The following BRWD3 variants were observed in gnomAD, a reference collection of about 807,000 sequenced individuals.
The protein encoded by BRWD3 is bromodomain and WD repeat domain containing 3, also known as bromodomain and WD repeat-containing protein 3.
In BRWD3, 10 loss-of-function variants were observed where a neutral mutation model predicts 149.7. The ratio of observed to expected loss-of-function variants is 0.07; its 90% CI spans 0.04 to 0.11. BRWD3 has a LOEUF of 0.11. BRWD3 is among the 10% of genes least tolerant of loss of function. BRWD3 has a pLI of 1.00. For synonymous variants in BRWD3, 504 were observed against 456.7 expected (o/e 1.10, Z -1.32); for missense variants, 940 against 1,373.2 (o/e 0.68, Z 4.99).
intron 6 of BRWD3, among the ~76,000 whole-genome samples, chrX:80,784,380 TA>T (rs1262645134): frequency 8.9e-6 from 1 of 112,117 alleles, no homozygotes; most frequent in Non-Finnish European, 1.9e-5. Context: ...AAATAAACAT[TA>T]AACACACTTT....
rs749411347 is a variant in BRWD3 at position 80,707,500 on chromosome X, C to A, written c.2479G>T (p.Asp827Tyr). Reference sequence around the variant, plus strand: ...GCGTCACTTGTGCCAACAGTTTCATCTTCCTACAACAAAGAGCCAGCAATT... The same window carrying A: ...GCGTCACTTGTGCCAACAGTTTCATATTCCTACAACAAAGAGCCAGCAATT... ...QEDSDSSSEE[D>Y]ETVGTSDASV... Residue 827 changes from aspartate (D) to tyrosine (Y), a missense_variant, in exon 22 of 41, where the codon GAT (aspartate) becomes TAT (tyrosine). Around this residue, in one of 6 missense-constraint regions of BRWD3, gnomAD observed 158 missense variants for 284.0 expected, o/e 0.56. Transcript: ENST00000373275. 8.3e-6 allele frequency: 10 copies of A among 1,208,056 alleles called. No homozygotes were observed. The highest frequency in any genetic ancestry group is 4.6e-4 in the Middle Eastern group (2 of 4,372).
intron 25 of BRWD3, among the ~76,000 whole-genome samples, 155 bp downstream of exon 25, chrX:80,699,802 T>C (rs1468032785): frequency 8.9e-6 from 1 of 112,046 alleles, no homozygotes; most frequent in Non-Finnish European, 1.9e-5. Context: ...ATGTGATCCA[T>C]AATATTCAGT....
intron 20 of BRWD3, chrX:80,710,772 TAC>T: frequency 5.1e-5 from 23 of 450,223 alleles, no homozygotes; most frequent in Non-Finnish European, 8.9e-5. Context: ...ATACTGATGA[TAC>T]TAATCATCAG....
intron 4 of BRWD3, among the ~76,000 whole-genome samples, chrX:80,800,135 A>G (rs1295883248): frequency 4.5e-5 from 5 of 109,939 alleles, no homozygotes; most frequent in African/African-American, 9.9e-5. Flanking sequence ...AAATATAAGA[A>G]AAGTTCACAA....
At chrX:80,740,137 C>A (rs1274505062) in intron 8 of BRWD3, among the ~76,000 whole-genome samples, 1 of 111,464 alleles carries the variant, frequency 9.0e-6, no homozygotes. Flanking sequence ...GAACCCAATT[C>A]TTGCTAGCTC....
At chrX:80,733,393 C>A in intron 12 of BRWD3, 63 bp downstream of exon 12, 1 of 911,514 alleles carries the variant, frequency 1.1e-6, no homozygotes, top group Non-Finnish European at 1.6e-6. Flanking sequence ...GTAGCTGCAT[C>A]TGAGGGAATG....
At position 80,809,757 on chromosome X, in the gene BRWD3, AAAAGAGAGAGAGAGAG is replaced by A. The variant is rs2074392797; in HGVS notation, c.-302_-287del. 1 of 81,681 alleles carries A rather than the reference AAAAGAGAGAGAGAGAG, an allele frequency of 1.2e-5. No individual in the cohort carries two copies. The allele number at this position is 81,681 out of a possible 1,213,427, so 6.7% of individuals were successfully genotyped here. ...AGAGAAGAGAGAGAGAGAGAGAGGA[AAAAGAGAGAGAGAGAG>A]AGAGAGAGAGAGAGAGAGAGAGAGA... is the stretch of plus-strand genomic sequence containing the variant. On this transcript the variant is annotated 5_prime_UTR_variant, in exon 1 of 41. Coordinates refer to ENST00000373275, the MANE Select transcript of BRWD3 (RefSeq NM_153252.5).
intron 6 of BRWD3, among the ~76,000 whole-genome samples, chrX:80,789,596 T>C (rs1207962407): frequency 2.7e-5 from 3 of 110,258 alleles, no homozygotes; most frequent in Non-Finnish European, 3.8e-5. Flanking sequence ...CAGGATGGTC[T>C]CGATCTCCTG....
chrX:80,808,980 AC>A, intron 3 of BRWD3, 32 bp downstream of exon 3: 1 of 1,188,117 alleles, frequency 8.4e-7, no homozygotes, highest in Non-Finnish European at 1.1e-6. Context: ...TCTCACCTCA[AC>A]CCTCCCCACC....
At position 80,717,721 on chromosome X, in the gene BRWD3, T is replaced by G. The variant is rs189045413; in HGVS notation, c.2083A>C (p.Asn695His). Reference protein sequence around the residue: ...SPNMDISSSPNIRLRRHSSQI... With the variant: ...SPNMDISSSPHIRLRRHSSQI... ...CTACTATGTCTTCGAAGCCTGATGT[T>G]TGGGGAAGAAGATATGTCCATGTTT... The change falls in exon 19 of 41, where the codon AAC becomes CAC. Residue 695 changes from asparagine to histidine, a missense_variant. By Grantham distance (68) the Asn-to-His change is moderately conservative. Around this residue, in one of 6 missense-constraint regions of BRWD3, gnomAD observed 103 missense variants for 103.2 expected, o/e 1.00. Coordinates refer to ENST00000373275, the MANE Select transcript of BRWD3 (RefSeq NM_153252.5). 5.0e-6 allele frequency: 6 copies of G among 1,211,346 alleles called. No homozygotes were observed. Among genetic ancestry groups the G allele is most frequent in the Non-Finnish European group, 6.7e-6 (6 of 895,196 alleles).
intron 6 of BRWD3, among the ~76,000 whole-genome samples, chrX:80,773,907 T>G (rs1384370966): frequency 2.7e-5 from 3 of 112,585 alleles, no homozygotes; most frequent in Non-Finnish European, 5.6e-5. Flanking sequence ...CTGCCTAACC[T>G]TCTCCAAAGA....
intron 6 of BRWD3, among the ~76,000 whole-genome samples, chrX:80,776,376 A>G (rs933550121): frequency 5.3e-5 from 6 of 112,451 alleles, no homozygotes; most frequent in Non-Finnish European, 5.6e-5. Context: ...CCGATGTCAG[A>G]AAAATGTTTC....
At chrX:80,685,399 C>T (rs772347303) in intron 36 of BRWD3, 63 bp downstream of exon 36, 1 of 946,181 alleles carries the variant, frequency 1.1e-6, no homozygotes, top group African/African-American at 1.9e-5. Flanking sequence ...GATTCATGTA[C>T]AGTATGGAGA....
At chrX:80,726,698 T>C (rs927591302) in intron 14 of BRWD3, among the ~76,000 whole-genome samples, 3 of 110,680 alleles carry the variant, frequency 2.7e-5, no homozygotes, top group East Asian at 5.7e-4. Context: ...CATATTACGA[T>C]TATGGACAAA....
intron 6 of BRWD3, among the ~76,000 whole-genome samples, chrX:80,785,486 G>A (rs1345948939): frequency 8.9e-6 from 1 of 111,745 alleles, no homozygotes. Flanking sequence ...CCTTCCTTAT[G>A]CTCCCTTACC....
chrX:80,717,866 G>C lies in BRWD3; in HGVS notation c.2045-107C>G. On this transcript the variant is annotated intron_variant, in intron 18 of 40. Transcript: ENST00000373275. ...AGATTCAAATATAGTACTGCTGTAA[G>C]AATTGCTATCCCTTTGTTCTATATT... 4.4e-6 allele frequency: 3 copies of C among 682,471 alleles called. No individual in the cohort carries two copies. The Admixed American group carries it at 7.8e-5, about 18-fold the overall frequency. The allele number at this position is 682,471 out of a possible 1,213,427, so 56.2% of individuals were successfully genotyped here.
chrX:80,744,131 A>C lies in BRWD3; in HGVS notation c.714T>G (p.Ala238=). 8.3e-7 allele frequency: 1 copy of C among 1,211,120 alleles called. No homozygotes were observed. The highest frequency in any genetic ancestry group is 1.7e-5 in the African/African-American group (1 of 57,827). Residue 238 remains alanine, a synonymous_variant, in exon 8 of 41, where the codon GCT becomes GCG. Transcript: ENST00000373275. ...MAVNYENTLI[A]AGSCDKVVRV... ...TTACTACCTTATCACAGCTGCCTGC[A>C]GCAATAAGAGTGTTTTCATAGTTAA... is the stretch of plus-strand genomic sequence containing the variant.
chrX:80,763,427 A>G (rs1306325451), intron 6 of BRWD3, among the ~76,000 whole-genome samples: 3 of 111,812 alleles, frequency 2.7e-5, no homozygotes, highest in African/African-American at 9.8e-5. Context: ...CTTAAATTCT[A>G]GCTCAAACCT....
In BRWD3 at chrX:80,720,832, T is replaced by A. The variant is rs1252566141; in HGVS notation, c.1877-1176A>T. ...CCATTCTTAATCTTTTATACCATAT[T>A]TTTCTGTACCTTTTCTGTCTAGATA... On this transcript the variant is annotated intron_variant, in intron 17 of 40. Coordinates refer to ENST00000373275, the MANE Select transcript of BRWD3 (RefSeq NM_153252.5). 5.2e-4 allele frequency among the ~76,000 whole-genome samples: 58 copies of A among 111,908 alleles called. 2 individuals are homozygous for A. The Admixed American group carries it at 5.4e-3, about 10-fold the overall frequency.
Sources: allele counts gnomAD v4.1 joint callset (sites outside exome capture counted in the v4.1 genomes callset), GRCh38; gene constraint gnomAD v4.1.1; regional missense constraint gnomAD v4.1.1; transcripts MANE v1.5; gene names NCBI Gene and HGNC (gene_info 2026-07-23, HGNC 2026-07-21).